PTCHD4: variants seen among roughly 807,000 people sequenced by gnomAD.
The protein encoded by PTCHD4 is patched domain-containing protein 4.
A neutral mutation model predicts 58.1 loss-of-function variants in PTCHD4; 33 were observed. That is an observed-to-expected ratio of 0.57 (90% CI 0.43 to 0.76). The LOEUF (loss-of-function observed/expected upper bound fraction) is 0.76. PTCHD4 is among the 30% of genes least tolerant of loss of function. The pLI is 0.00. For missense variants in PTCHD4, 1,058 were observed against 1,027.1 expected, an observed-to-expected ratio of 1.03 and a Z score of -0.41; for synonymous variants, 478 against 409.6, an observed-to-expected ratio of 1.17 and a Z score of -2.02.
At chr6:47,948,947 G>C (rs1253462872) in intron 4 of PTCHD4, among the ~76,000 whole-genome samples, 1 of 152,156 alleles carries the variant, frequency 6.6e-6, no homozygotes, top group Non-Finnish European at 1.5e-5. Context: ...ATACTTGAAG[G>C]CTCTAGGAAC....
At chr6:48,107,138 A>G (rs1051702039) in intron 1 of PTCHD4, among the ~76,000 whole-genome samples, 23 of 152,174 alleles carry the variant, frequency 1.5e-4, no homozygotes, top group Middle Eastern at 6.8e-3. Context: ...AGCCCACATC[A>G]CCAAGTCAAT....
chr6:47,903,577 G>C (rs1280148682), intron 4 of PTCHD4, among the ~76,000 whole-genome samples: 4 of 152,028 alleles, frequency 2.6e-5, no homozygotes, highest in Non-Finnish European at 5.9e-5. Flanking sequence ...GGCCTCCGAA[G>C]GTGCTGGGAT....
intron 4 of PTCHD4, among the ~76,000 whole-genome samples, chr6:47,954,851 GT>G (rs1218281213): frequency 2.0e-5 from 3 of 152,134 alleles, no homozygotes; most frequent in African/African-American, 7.2e-5. Context: ...TGCAGCAGAA[GT>G]GACAGTATGT....
chr6:47,921,696 C>T (rs1765437364), intron 4 of PTCHD4, among the ~76,000 whole-genome samples: 1 of 152,092 alleles, frequency 6.6e-6, no homozygotes, highest in South Asian at 2.1e-4. Context: ...AAGACAAGGA[C>T]ATCTTCTGTA....
chr6:47,899,553 C>T (rs1445251313), intron 4 of PTCHD4: 1 of 980,338 alleles, frequency 1.0e-6, no homozygotes, highest in Non-Finnish European at 1.2e-6. Context: ...TGCATGTTAT[C>T]CTAATAAGGT....
At chr6:47,948,425 C>T (rs1329926626) in intron 4 of PTCHD4, among the ~76,000 whole-genome samples, 1 of 152,190 alleles carries the variant, frequency 6.6e-6, no homozygotes, top group Non-Finnish European at 1.5e-5. Flanking sequence ...CCCACCCACC[C>T]TCAAGGACGA....
intron 4 of PTCHD4, among the ~76,000 whole-genome samples, chr6:47,976,401 T>G (rs1013584432): frequency 2.6e-5 from 4 of 152,078 alleles, no homozygotes; most frequent in Non-Finnish European, 5.9e-5. Flanking sequence ...ATGCCTGTAA[T>G]CCCAGCACTT....
At chr6:47,959,782 C>G (rs1767008985) in intron 4 of PTCHD4, among the ~76,000 whole-genome samples, 1 of 151,430 alleles carries the variant, frequency 6.6e-6, no homozygotes, top group Non-Finnish European at 1.5e-5. Flanking sequence ...AGAAAAAAAT[C>G]TGTCCATCTA....
In PTCHD4 at chr6:47,864,707, C is replaced by A; in HGVS notation, c.*13596G>T. On this transcript the variant is annotated 3_prime_UTR_variant, in exon 5 of 5. Coordinates refer to ENST00000339488, the MANE Select transcript of PTCHD4 (RefSeq NM_001384253.1). ...TGACTGTAGAAGAATACAAAGAGTT[C>A]ATATGGATTATTTTCACAGGTCATT... Among the ~76,000 whole-genome samples, 1 of 151,814 alleles carries A rather than the reference C, an allele frequency of 6.6e-6. No individual in the cohort carries two copies.
rs541266304 is a variant in PTCHD4 at position 48,103,090 on chromosome 6, G to A, written c.-970+7959C>T. The stretch of plus-strand genomic sequence containing the variant: ...CAGTCTTAAATGTCCCTGTCTGATA[G>A]CTTTGAAGAGAGTAGTGGTTCTCCC... On this transcript the variant is annotated intron_variant, in intron 1 of 4. Transcript: ENST00000339488. 6.7e-4 allele frequency among the ~76,000 whole-genome samples: 102 copies of A among 152,314 alleles called. 1 individual carries two copies. The South Asian group carries it at 8.9e-3, about 13-fold the overall frequency.
At chr6:47,985,348 C>A (rs1768023758) in intron 4 of PTCHD4, among the ~76,000 whole-genome samples, 1 of 151,938 alleles carries the variant, frequency 6.6e-6, no homozygotes, top group Non-Finnish European at 1.5e-5. Flanking sequence ...GACACAGATG[C>A]AATTTTATGA....
intron 4 of PTCHD4, among the ~76,000 whole-genome samples, chr6:47,948,147 A>T (rs528314077): frequency 4.3e-4 from 65 of 152,292 alleles, no homozygotes; most frequent in African/African-American, 1.4e-3. Context: ...CCAAGCTCAC[A>T]TTGTTGTCAG....
Position 47,878,260 on chromosome 6 carries a change from G to A in PTCHD4, c.*43C>T, listed in dbSNP as rs776494643. 5 of 1,508,514 alleles carry A rather than the reference G, an allele frequency of 3.3e-6. No homozygotes were observed. Among genetic ancestry groups the A allele is most frequent in the South Asian group, 1.3e-5 (1 of 75,242 alleles). 93.4% of individuals were successfully genotyped at this position (1,508,514 alleles called of 1,614,324 possible). A position where few individuals can be genotyped will look rare whatever the true frequency, so the allele number is the denominator to read the frequency against. On this transcript the variant is annotated 3_prime_UTR_variant, in exon 5 of 5. Coordinates refer to ENST00000339488, the MANE Select transcript of PTCHD4 (RefSeq NM_001384253.1). The stretch of plus-strand genomic sequence containing the variant: ...TGAGCTTTACTTGCCCTGCATCATT[G>A]TGCAATACTGGAAAAGAAAAATAAT...
chr6:47,860,488 A>G lies in PTCHD4; in HGVS notation c.*17815T>C, dbSNP rs919766550. Reference sequence around the variant, plus strand: ...AGTAATCTACATCATTGCTTATCCCAACTTAGAGCTTATACCTATACATCT... The same window carrying G: ...AGTAATCTACATCATTGCTTATCCCGACTTAGAGCTTATACCTATACATCT... On this transcript the variant is annotated 3_prime_UTR_variant, in exon 5 of 5. Coordinates refer to ENST00000339488, the MANE Select transcript of PTCHD4 (RefSeq NM_001384253.1). Among the ~76,000 whole-genome samples the G allele has an allele frequency of 2.0e-5, 3 of 152,034 alleles. No individual in the cohort carries two copies. The highest frequency in any genetic ancestry group is 7.2e-5 in the African/African-American group (3 of 41,434).
intron 4 of PTCHD4, among the ~76,000 whole-genome samples, chr6:47,972,174 G>C (rs1767536706): frequency 6.6e-6 from 1 of 152,274 alleles, no homozygotes; most frequent in South Asian, 2.1e-4. Context: ...AATCTTCGCA[G>C]TTCATTATAG....
intron 1 of PTCHD4, among the ~76,000 whole-genome samples, chr6:48,081,901 T>C (rs1179478488): frequency 6.6e-6 from 1 of 152,210 alleles, no homozygotes. Context: ...GGCATAGAAA[T>C]TGCTATCCAT....
intron 3 of PTCHD4, among the ~76,000 whole-genome samples, chr6:48,044,535 T>C (rs332583): frequency 6.6e-6 from 1 of 151,544 alleles, no homozygotes; most frequent in African/African-American, 2.4e-5. Context: ...TGAGTGACAC[T>C]GTGTTTTTTA....
intron 4 of PTCHD4, among the ~76,000 whole-genome samples, chr6:47,976,186 T>A (rs952115906): frequency 6.6e-6 from 1 of 152,144 alleles, no homozygotes; most frequent in African/African-American, 2.4e-5. Context: ...TACTTCCCTG[T>A]CTGTCTTTCA....
At chr6:47,988,555 T>A (rs1241775521) in intron 4 of PTCHD4, among the ~76,000 whole-genome samples, 1 of 152,174 alleles carries the variant, frequency 6.6e-6, no homozygotes, top group East Asian at 1.9e-4. Flanking sequence ...ATAATTCCCA[T>A]GTATTGTGGG....
Sources: gnomAD v4.1 joint callset for allele counts (sites outside exome capture counted in the v4.1 genomes callset) on GRCh38, gnomAD v4.1.1 for gene constraint, MANE v1.5 for transcripts, NCBI Gene and HGNC (gene_info 2026-07-23, HGNC 2026-07-21) for gene names.